The following LRP1B variants were observed in gnomAD, a reference collection of about 807,000 sequenced individuals.
The protein encoded by LRP1B is low-density lipoprotein receptor-related protein 1B.
LRP1B carries 217 observed loss-of-function variants against 556.6 expected under a neutral mutation model. That is an observed-to-expected ratio of 0.39 (90% CI 0.35 to 0.44). LRP1B has a LOEUF of 0.44. Among genes scored for constraint, LRP1B ranks in the 20% least tolerant of loss-of-function variants. LRP1B has a pLI of 1.00. For synonymous variants in LRP1B, 2,047 were observed against 1,865.8 expected (o/e 1.10, Z -2.50); for missense variants, 5,053 against 5,620.8 (o/e 0.90, Z 3.23).
chr2:140,479,747 C>G (rs1291013349), intron 59 of LRP1B, among the ~76,000 whole-genome samples: 1 of 152,080 alleles, frequency 6.6e-6, no homozygotes, highest in Non-Finnish European at 1.5e-5. Flanking sequence ...CTGACATGAA[C>G]TGTTTGGATA....
chr2:140,918,073 A>C (rs1170970038), intron 21 of LRP1B, among the ~76,000 whole-genome samples: 1 of 152,004 alleles, frequency 6.6e-6, no homozygotes, highest in Admixed American at 6.6e-5. Context: ...CATTTTATTC[A>C]GTTCTAAATA....
At chr2:141,708,467 A>G (rs1474501479) in intron 2 of LRP1B, among the ~76,000 whole-genome samples, 1 of 152,132 alleles carries the variant, frequency 6.6e-6, no homozygotes, top group East Asian at 1.9e-4. Flanking sequence ...ATGATGGTGC[A>G]AGCACACACA....
At chr2:140,261,016 G>A (rs910535745) in intron 86 of LRP1B, among the ~76,000 whole-genome samples, 1 of 149,566 alleles carries the variant, frequency 6.7e-6, no homozygotes, top group African/African-American at 2.5e-5. Context: ...GTTGATGAGT[G>A]GATATAAGAG....
intron 1 of LRP1B, among the ~76,000 whole-genome samples, chr2:141,939,019 G>A (rs1014854157): frequency 3.3e-5 from 5 of 151,906 alleles, no homozygotes; most frequent in African/African-American, 1.2e-4. Flanking sequence ...GGAGATGTTG[G>A]TCAAAAGTAG....
At position 140,951,953 on chromosome 2, in the gene LRP1B, T is replaced by C. The variant is rs761612649; in HGVS notation, c.2888-13A>G. The C allele has an allele frequency of 5.0e-6, 8 of 1,587,968 alleles. No individual in the cohort carries two copies. The South Asian group carries it at 8.8e-5, about 18-fold the overall frequency. ...CAAGTTGGGAATTCTGTGAAAGATA[T>C]AAAAATGTCCAAAAGGTAACATGTT... On this transcript the variant is annotated splice_polypyrimidine_tract_variant and intron_variant, in intron 18 of 90. Coordinates refer to ENST00000389484, the MANE Select transcript of LRP1B (RefSeq NM_018557.3).
intron 5 of LRP1B, among the ~76,000 whole-genome samples, chr2:141,234,919 A>T (rs993199558): frequency 3.3e-5 from 5 of 152,168 alleles, no homozygotes; most frequent in African/African-American, 1.2e-4. Flanking sequence ...TGAAAAAAAT[A>T]TAGCATTGAA....
chr2:141,721,929 A>G (rs1012813886), intron 2 of LRP1B, among the ~76,000 whole-genome samples: 14 of 152,318 alleles, frequency 9.2e-5, no homozygotes, highest in Non-Finnish European at 1.5e-4. Flanking sequence ...AACAGACCCT[A>G]GTAGGTTAAA....
intron 79 of LRP1B, among the ~76,000 whole-genome samples, chr2:140,333,590 A>T (rs923648843): frequency 7.2e-5 from 11 of 152,170 alleles, no homozygotes; most frequent in African/African-American, 2.6e-4. Context: ...ATAAGAATAT[A>T]AGCACTAAAT....
chr2:141,474,059 C>CCCTCCCTCCCTTCCTTT (rs1417028811), intron 3 of LRP1B, among the ~76,000 whole-genome samples: 39 of 51,270 alleles, frequency 7.6e-4, no homozygotes, highest in East Asian at 1.7e-3. Context: ...CTTCCTTCCT[C>CCCTCCCTCCCTTCCTTT]CCTCCCTCCC....
chr2:141,494,027 G>A (rs919260522), intron 2 of LRP1B, among the ~76,000 whole-genome samples: 1 of 152,122 alleles, frequency 6.6e-6, no homozygotes, highest in African/African-American at 2.4e-5. Flanking sequence ...ATCACCATGT[G>A]CTTATTTTCT....
intron 2 of LRP1B, among the ~76,000 whole-genome samples, chr2:141,686,706 C>T (rs1691318304): frequency 6.6e-6 from 1 of 151,854 alleles, no homozygotes; most frequent in African/African-American, 2.4e-5. Flanking sequence ...AAACTTCATC[C>T]CCAATGTGGC....
chr2:140,977,058 C>T (rs1045629583), intron 18 of LRP1B, among the ~76,000 whole-genome samples: 1 of 152,150 alleles, frequency 6.6e-6, no homozygotes, highest in Non-Finnish European at 1.5e-5. Flanking sequence ...CATGTTTAAT[C>T]ATGAAATGCC....
intron 2 of LRP1B, among the ~76,000 whole-genome samples, chr2:141,531,638 T>C (rs1422667257): frequency 6.6e-6 from 1 of 152,110 alleles, no homozygotes; most frequent in Non-Finnish European, 1.5e-5. Flanking sequence ...TGAAAGACAA[T>C]TCAAAGAAAT....
At chr2:141,729,907 A>G (rs992423373) in intron 2 of LRP1B, among the ~76,000 whole-genome samples, 1 of 152,142 alleles carries the variant, frequency 6.6e-6, no homozygotes, top group Non-Finnish European at 1.5e-5. Context: ...GATAACCTGC[A>G]AAGAGCTGAA....
At chr2:141,878,688 A>G in intron 1 of LRP1B, among the ~76,000 whole-genome samples, 1 of 152,036 alleles carries the variant, frequency 6.6e-6, no homozygotes, top group East Asian at 1.9e-4. Flanking sequence ...TTATTAATGA[A>G]CAATTTAAAT....
intron 7 of LRP1B, among the ~76,000 whole-genome samples, chr2:141,122,237 C>A (rs1423061803): frequency 1.3e-5 from 2 of 151,950 alleles, no homozygotes; most frequent in Non-Finnish European, 2.9e-5. Flanking sequence ...CAACAAAAGC[C>A]AAAATTGACA....
At position 142,065,090 on chromosome 2, in the gene LRP1B, TAG is replaced by T. The variant is rs1292694468; in HGVS notation, c.82+65556_82+65557del. Among the ~76,000 whole-genome samples, 6 of 151,560 alleles carry T rather than the reference TAG, an allele frequency of 4.0e-5. 1 individual carries two copies. The highest frequency in any genetic ancestry group is 4.1e-4 in the South Asian group (2 of 4,830). ...TGTTTGTTGAAAGCCATGTCTGTGG[TAG>T]AGTTTCATTACAAATTTGACTTTCA... On this transcript the variant is annotated intron_variant, in intron 1 of 90. Coordinates refer to ENST00000389484, the MANE Select transcript of LRP1B (RefSeq NM_018557.3).
chr2:140,931,522 C>T (rs764548614), intron 20 of LRP1B, among the ~76,000 whole-genome samples: 10 of 151,894 alleles, frequency 6.6e-5, no homozygotes, highest in Non-Finnish European at 1.2e-4. Context: ...TATAGGTTTA[C>T]TGTTTGAGTC....
chr2:141,655,122 G>A (rs1454359517), intron 2 of LRP1B, among the ~76,000 whole-genome samples: 1 of 152,160 alleles, frequency 6.6e-6, no homozygotes, highest in Non-Finnish European at 1.5e-5. Flanking sequence ...AAGAGGGACG[G>A]ACTGAGGAGC....
Sources: gnomAD v4.1 joint callset for allele counts (sites outside exome capture counted in the v4.1 genomes callset) on GRCh38, gnomAD v4.1.1 for gene constraint, MANE v1.5 for transcripts, NCBI Gene and HGNC (gene_info 2026-07-23, HGNC 2026-07-21) for gene names.